Variants in INO80 observed in about 807,000 individuals in gnomAD.
INO80 encodes the protein INO80 complex ATPase subunit.
A neutral mutation model predicts 203.4 loss-of-function variants in INO80; 20 were observed. That is an observed-to-expected ratio of 0.10 (90% confidence interval 0.07 to 0.14). The LOEUF (loss-of-function observed/expected upper bound fraction) is 0.14, where lower values mean the gene tolerates loss of function less well. Among genes scored for constraint, INO80 ranks in the 10% least tolerant of loss-of-function variants. INO80 has a pLI of 1.00. For missense variants in INO80, 1,419 were observed against 1,914.4 expected (o/e 0.74, Z 4.83); for synonymous variants, 726 against 685.2 (o/e 1.06, Z -0.93).
chr15:40,999,305 G>C (rs2043925803), intron 28 of INO80: 1 of 152,198 alleles, frequency 6.6e-6, no homozygotes, highest in African/African-American at 2.4e-5. Flanking sequence ...CTTGACTGCT[G>C]ACAGTCTGTT....
chr15:41,047,449 T>C lies in INO80; in HGVS notation c.2694A>G (p.Pro898=), dbSNP rs1485361267. The C allele has an allele frequency of 6.2e-7, 1 of 1,613,460 alleles. No individual in the cohort carries two copies. The highest frequency in any genetic ancestry group is 1.7e-5 in the Admixed American group (1 of 59,854). Residue 898 remains proline (P), a synonymous_variant, in exon 23 of 36, where the codon CCA becomes CCG. Transcript: ENST00000648947. ...FSFLRFIDIS[P]AEMANLMLQG... The stretch of plus-strand genomic sequence containing the variant: ...GAAGCATAAGGTTTGCCATTTCTGC[T>C]GGAGATATATCAATAAAGCGAAGGA...
chr15:41,097,526 G>A (rs2045743911), intron 1 of INO80, among the ~76,000 whole-genome samples: 2 of 151,742 alleles, frequency 1.3e-5, no homozygotes, highest in Admixed American at 6.6e-5. Context: ...TTTCGCTCTT[G>A]CAGTAGGGTG....
At chr15:41,021,211 C>T (rs1015955373) in intron 25 of INO80, 86 bp from the exon 26 acceptor site, 23 of 862,354 alleles carry the variant, frequency 2.7e-5, no homozygotes, top group Non-Finnish European at 3.8e-6. Context: ...TGAAATCAGA[C>T]TAATGTGGAT....
chr15:41,111,702 C>T (rs1031242623), intron 1 of INO80, among the ~76,000 whole-genome samples: 39 of 151,738 alleles, frequency 2.6e-4, no homozygotes, highest in African/African-American at 9.2e-4. Flanking sequence ...ACTCGGGAGG[C>T]TGAGGCAGGA....
At chr15:41,024,054 AGT>A (rs1233431150) in intron 25 of INO80, among the ~76,000 whole-genome samples, 6 of 152,146 alleles carry the variant, frequency 3.9e-5, no homozygotes, top group African/African-American at 1.4e-4. Flanking sequence ...GCACTCTTAT[AGT>A]TTAAAAACAA....
chr15:41,060,258 T>C (rs770759531), intron 14 of INO80, among the ~76,000 whole-genome samples: 5 of 152,034 alleles, frequency 3.3e-5, no homozygotes, highest in Non-Finnish European at 7.4e-5. Flanking sequence ...AAAGTTCTAG[T>C]TGAGAGGGTA....
At chr15:41,070,400 G>A in intron 13 of INO80, 67 bp downstream of exon 13, 1 of 1,381,218 alleles carries the variant, frequency 7.2e-7, no homozygotes, top group South Asian at 1.2e-5. Context: ...CTTTTAAGTG[G>A]CTGATTTTCA....
At chr15:41,050,231 T>C in intron 19 of INO80, 129 bp from the exon 20 acceptor site, 1 of 604,734 alleles carries the variant, frequency 1.7e-6, no homozygotes, top group Non-Finnish European at 2.9e-6. Flanking sequence ...TCAGTATCTC[T>C]ATAAACCTGT....
intron 35 of INO80, among the ~76,000 whole-genome samples, chr15:40,982,475 C>G (rs187075999): frequency 3.3e-5 from 5 of 152,306 alleles, no homozygotes; most frequent in African/African-American, 9.6e-5. Flanking sequence ...ATGCATGCAG[C>G]AGGTGCCTCA....
intron 5 of INO80, 25 bp from the exon 6 acceptor site, chr15:41,087,707 G>C: frequency 6.3e-7 from 1 of 1,596,502 alleles, no homozygotes; most frequent in Non-Finnish European, 8.5e-7. Context: ...GACCATGATG[G>C]GCCTGTTTTC....
chr15:41,053,436 C>T (rs533111370), intron 19 of INO80, among the ~76,000 whole-genome samples: 1 of 152,238 alleles, frequency 6.6e-6, no homozygotes, highest in South Asian at 2.1e-4. Context: ...GAGAGACAGA[C>T]ACACAAAGAC....
rs199698267 is a variant in INO80, at chr15:41,020,980, C to G, written c.3194G>C (p.Arg1065Pro). The G allele has an allele frequency of 6.2e-7, 1 of 1,614,152 alleles. No homozygotes were observed. Among genetic ancestry groups the G allele is most frequent in the Non-Finnish European group, 8.5e-7 (1 of 1,180,002 alleles). The change falls in exon 26 of 36, where the codon CGA becomes CCA. Residue 1065 changes from arginine (R) to proline (P), a missense_variant. Physicochemically the swap from Arg to Pro is moderately radical, Grantham distance 103 (BLOSUM62 -2). Coordinates refer to ENST00000648947, the MANE Select transcript of INO80 (RefSeq NM_017553.3). Reference protein sequence around the residue: ...PELAADWLNRRSQFFPEPAGG... With the variant: ...PELAADWLNRPSQFFPEPAGG... Reference sequence around the variant, plus strand: ...AGCTGGCTCTGGGAAGAACTGTGATCGTCTATTTAGCCAGTCTGCAGCCAG... The same window carrying G: ...AGCTGGCTCTGGGAAGAACTGTGATGGTCTATTTAGCCAGTCTGCAGCCAG...
rs760222077 is a variant in INO80 at position 40,980,401 on chromosome 15, C to T, written c.4493G>A (p.Arg1498Gln). The stretch of plus-strand genomic sequence containing the variant: ...TCCAAAGTCAGCAAGGCCAGCAGGC[C>T]GAACAAGGGATGTCTGCAGAGGACT... ...ASSPLQTSLVRPAGLADFGPS... is the reference protein window; with the variant it reads ...ASSPLQTSLVQPAGLADFGPS... The change falls in exon 36 of 36, where the codon CGG becomes CAG. Residue 1498 changes from arginine to glutamine, a missense_variant. Around this residue, in one of 9 missense-constraint regions of INO80, gnomAD observed 112 missense variants for 106.2 expected, o/e 1.05. Coordinates refer to ENST00000648947, the MANE Select transcript of INO80 (RefSeq NM_017553.3). 32 of 1,613,722 alleles carry T rather than the reference C, an allele frequency of 2.0e-5. 1 individual carries two copies. The highest frequency in any genetic ancestry group is 8.8e-5 in the South Asian group (8 of 91,022).
chr15:41,052,979 G>A (rs114085043), intron 19 of INO80, among the ~76,000 whole-genome samples: 1,603 of 152,202 alleles, frequency 0.011, 33 homozygotes, highest in African/African-American at 0.037. Flanking sequence ...GCAACAGTAA[G>A]CCAAGATTGT....
intron 18 of INO80, 38 bp downstream of exon 18, chr15:41,055,209 G>C: frequency 8.6e-7 from 1 of 1,167,774 alleles, no homozygotes; most frequent in Non-Finnish European, 1.3e-6. Flanking sequence ...TGCCTACACT[G>C]ATAGGTAGAT....
At chr15:41,005,959 T>TAAAAA (rs55706828) in intron 27 of INO80, among the ~76,000 whole-genome samples, 3 of 131,406 alleles carry the variant, frequency 2.3e-5, no homozygotes, top group East Asian at 4.4e-4. Context: ...TAGGTTTCAT[T>TAAAAA]AAAAAAAAAA....
At chr15:41,059,843 T>C (rs2045071154) in intron 15 of INO80, 24 bp downstream of exon 15, 3 of 1,491,794 alleles carry the variant, frequency 2.0e-6, no homozygotes, top group African/African-American at 1.4e-5. Flanking sequence ...GGTACGTATG[T>C]ATGCAGTTTA....
At chr15:41,105,806 C>T (rs545318420) in intron 1 of INO80, among the ~76,000 whole-genome samples, 1 of 152,108 alleles carries the variant, frequency 6.6e-6, no homozygotes, top group African/African-American at 2.4e-5. Context: ...TCGACATAAC[C>T]CATTAACGTG....
At chr15:41,080,909 TAG>T in intron 8 of INO80, 109 bp downstream of exon 8, 2 of 731,510 alleles carry the variant, frequency 2.7e-6, no homozygotes, top group South Asian at 1.6e-5. Flanking sequence ...TACGAACTAT[TAG>T]ATTCATGATC....
Sources: allele counts gnomAD v4.1 joint callset (sites outside exome capture counted in the v4.1 genomes callset), GRCh38; gene constraint gnomAD v4.1.1; regional missense constraint gnomAD v4.1.1; transcripts MANE v1.5; gene names NCBI Gene and HGNC (gene_info 2026-07-23, HGNC 2026-07-21).